AKAP13: variants seen among roughly 807,000 people sequenced by gnomAD.
The protein encoded by AKAP13 is A-kinase anchoring protein 13.
Under a neutral mutation model 264.5 loss-of-function variants are expected in AKAP13, and 80 were observed. The observed-to-expected ratio is 0.30, with a 90% CI of 0.25 to 0.36. AKAP13 has a LOEUF of 0.36. AKAP13 is among the 10% of genes least tolerant of loss of function. The probability of loss-of-function intolerance (pLI) is 1.00; values close to 1 mark genes in which losing one functional copy is unlikely to be tolerated. For missense variants in AKAP13, 3,712 were observed against 3,435.2 expected, an observed-to-expected ratio of 1.08 and a Z score of -2.01; for synonymous variants, 1,380 against 1,250.2, an observed-to-expected ratio of 1.10 and a Z score of -2.19.
At chr15:85,625,687 C>T (rs1206017433) in intron 8 of AKAP13, among the ~76,000 whole-genome samples, 1 of 152,112 alleles carries the variant, frequency 6.6e-6, no homozygotes, top group Non-Finnish European at 1.5e-5. Flanking sequence ...CCTAGCAAGA[C>T]CCCCATCGCT....
At chr15:85,640,919 G>T (rs1293070997) in intron 9 of AKAP13, among the ~76,000 whole-genome samples, 1 of 152,088 alleles carries the variant, frequency 6.6e-6, no homozygotes, top group Non-Finnish European at 1.5e-5. Flanking sequence ...GAATTCTGTA[G>T]ACCTACTGTA....
At chr15:85,472,864 C>T (rs4843061) in intron 1 of AKAP13, among the ~76,000 whole-genome samples, 102,817 of 152,094 alleles carry the variant, frequency 0.68, 36,296 homozygotes, top group Non-Finnish European at 0.78. Context: ...TAATGATAAA[C>T]TGTTGTTTCT....
chr15:85,440,180 T>C (rs2073573054), intron 1 of AKAP13, among the ~76,000 whole-genome samples: 1 of 152,170 alleles, frequency 6.6e-6, no homozygotes, highest in Admixed American at 6.5e-5. Context: ...GTCTCTGCCC[T>C]TCCCTTCCTC....
In AKAP13 at chr15:85,543,899, G is replaced by A. The variant is rs765802714; in HGVS notation, c.606G>A (p.Thr202=). The change falls in exon 5 of 37, where the codon ACG becomes ACA. Residue 202 remains threonine (T), a synonymous_variant. Coordinates refer to ENST00000394518, the MANE Select transcript of AKAP13 (RefSeq NM_007200.5). ...ALSIHNQEGA[T]PVSLALERGY... is the part of the protein sequence containing the mutation. The stretch of plus-strand genomic sequence containing the variant: ...GTATCCACAACCAGGAAGGGGCGAC[G>A]CCTGTGAGCTTGGCCTTGGAGCGAG... 56 of 1,613,938 alleles carry A rather than the reference G, an allele frequency of 3.5e-5. No individual in the cohort carries two copies. Among genetic ancestry groups the A allele is most frequent in the Non-Finnish European group, 4.4e-5 (52 of 1,179,994 alleles).
chr15:85,553,610 A>C (rs190649186), intron 5 of AKAP13, among the ~76,000 whole-genome samples: 1 of 152,194 alleles, frequency 6.6e-6, no homozygotes, highest in Non-Finnish European at 1.5e-5. Context: ...CTTATAGTAC[A>C]TATTTTATGC....
chr15:85,440,797 C>T (rs1171278292), intron 1 of AKAP13, among the ~76,000 whole-genome samples: 23 of 152,040 alleles, frequency 1.5e-4, no homozygotes, highest in Admixed American at 1.4e-3. Flanking sequence ...TCTTTTTTCT[C>T]ACCTCTACCA....
At chr15:85,620,627 C>G (rs1197746199) in intron 8 of AKAP13, among the ~76,000 whole-genome samples, 1 of 152,002 alleles carries the variant, frequency 6.6e-6, no homozygotes, top group Non-Finnish European at 1.5e-5. Context: ...CTGCTACTGT[C>G]TCGTTCAATT....
intron 34 of AKAP13, among the ~76,000 whole-genome samples, chr15:85,740,797 A>G (rs1193744860): frequency 1.2e-5 from 1 of 80,604 alleles, no homozygotes; most frequent in African/African-American, 4.6e-5. Context: ...ACCCCAGGTA[A>G]TACCACTGAC....
At chr15:85,662,288 C>G in intron 12 of AKAP13, 1 of 1,173,724 alleles carries the variant, frequency 8.5e-7, no homozygotes, top group Non-Finnish European at 1.3e-6. Context: ...ATAAATCCGT[C>G]TGTCTCTAAC....
At chr15:85,393,161 T>A (rs577995099) in intron 1 of AKAP13, among the ~76,000 whole-genome samples, 78 of 152,354 alleles carry the variant, frequency 5.1e-4, no homozygotes, top group African/African-American at 1.8e-3. Flanking sequence ...ATAATTTCTT[T>A]TACCTTTAAC....
chr15:85,685,251 A>G (rs2151614242), intron 16 of AKAP13: 1 of 157,614 alleles, frequency 6.3e-6, no homozygotes, highest in Middle Eastern at 3.1e-3. Context: ...ACAGTGCTTA[A>G]ATCTGTAATA....
At chr15:85,558,758 C>T (rs1330763473) in intron 5 of AKAP13, among the ~76,000 whole-genome samples, 1 of 152,136 alleles carries the variant, frequency 6.6e-6, no homozygotes, top group Non-Finnish European at 1.5e-5. Flanking sequence ...TTCTCATGAT[C>T]TTCAGAAATA....
intron 2 of AKAP13, among the ~76,000 whole-genome samples, chr15:85,511,584 ACTAT>A (rs1456934811): frequency 6.6e-6 from 1 of 152,160 alleles, no homozygotes; most frequent in Non-Finnish European, 1.5e-5. Flanking sequence ...CTTGAGGCTT[ACTAT>A]CTTCCAGTCC....
intron 14 of AKAP13, among the ~76,000 whole-genome samples, chr15:85,672,449 T>C (rs2083983493): frequency 6.6e-6 from 1 of 152,224 alleles, no homozygotes. Flanking sequence ...TTAAAGTGTG[T>C]GTGGTATGCC....
chr15:85,743,857 CAT>C (rs770350349), intron 36 of AKAP13, 32 bp downstream of exon 36: 19 of 1,578,366 alleles, frequency 1.2e-5, no homozygotes. Context: ...TCCCTGTGGC[CAT>C]AGTGTCTGTG....
intron 15 of AKAP13, among the ~76,000 whole-genome samples, chr15:85,683,954 C>T (rs2084754265): frequency 6.6e-6 from 1 of 152,148 alleles, no homozygotes; most frequent in Non-Finnish European, 1.5e-5. Context: ...AAGTTCCCTC[C>T]TAAAATTGAA....
chr15:85,590,255 A>C (rs1250648652), intron 8 of AKAP13, among the ~76,000 whole-genome samples: 1 of 152,226 alleles, frequency 6.6e-6, no homozygotes, highest in Non-Finnish European at 1.5e-5. Context: ...GCAGTTTTCT[A>C]ATAAATGTAA....
At chr15:85,711,356 C>T (rs565500896) in intron 19 of AKAP13, among the ~76,000 whole-genome samples, 1 of 152,266 alleles carries the variant, frequency 6.6e-6, no homozygotes, top group South Asian at 2.1e-4. Flanking sequence ...TCCCTTTTCA[C>T]TCCCCATTCC....
At chr15:85,440,593 T>C (rs2073596989) in intron 1 of AKAP13, among the ~76,000 whole-genome samples, 1 of 152,176 alleles carries the variant, frequency 6.6e-6, no homozygotes, top group East Asian at 1.9e-4. Context: ...AGATGACTCT[T>C]TTCAAAATCA....
Sources: gnomAD v4.1 joint callset for allele counts (sites outside exome capture counted in the v4.1 genomes callset) on GRCh38, gnomAD v4.1.1 for gene constraint, MANE v1.5 for transcripts, NCBI Gene and HGNC (gene_info 2026-07-23, HGNC 2026-07-21) for gene names.